TAF2: variants seen among roughly 807,000 people sequenced by gnomAD.
TAF2 encodes the protein TATA-box binding protein associated factor 2.
A neutral mutation model predicts 138.5 loss-of-function variants in TAF2; 61 were observed. That is an observed-to-expected ratio of 0.44 (90% CI 0.36 to 0.54). The LOEUF (loss-of-function observed/expected upper bound fraction) is 0.54. Ranked by LOEUF, TAF2 falls within the 20% of genes least tolerant of loss-of-function variation. The pLI, the probability that TAF2 is intolerant of heterozygous loss-of-function variation, is 0.00. For synonymous variants in TAF2, 475 were observed against 469.9 expected (o/e 1.01, Z -0.14); for missense variants, 1,090 against 1,427.9 (o/e 0.76, Z 3.81).
chr8:119,825,084 G>A (rs1360517632), intron 2 of TAF2, among the ~76,000 whole-genome samples: 1 of 152,236 alleles, frequency 6.6e-6, no homozygotes, highest in East Asian at 1.9e-4. Context: ...GACACTCAAC[G>A]CCATCCAGTC....
intron 19 of TAF2, among the ~76,000 whole-genome samples, chr8:119,761,968 TTA>T (rs1269701772): frequency 6.6e-6 from 1 of 152,146 alleles, no homozygotes; most frequent in African/African-American, 2.4e-5. Context: ...TTAAAATTGT[TTA>T]TGTTTGAATC....
intron 16 of TAF2, 40 bp downstream of exon 16, chr8:119,783,341 T>C: frequency 6.3e-7 from 1 of 1,591,674 alleles, no homozygotes. Flanking sequence ...ACAAAAAATA[T>C]ATACAATAGT....
At chr8:119,759,634 T>C (rs1820926151) in intron 20 of TAF2, among the ~76,000 whole-genome samples, 2 of 152,176 alleles carry the variant, frequency 1.3e-5, no homozygotes, top group African/African-American at 4.8e-5. Context: ...GCTTAAGTAT[T>C]TGACAGGCAT....
intron 23 of TAF2, among the ~76,000 whole-genome samples, chr8:119,745,409 T>A (rs920296304): frequency 1.3e-5 from 2 of 149,470 alleles, no homozygotes; most frequent in African/African-American, 5.1e-5. Context: ...TTTTTTTCTA[T>A]GTAAATGTCT....
At chr8:119,817,112 T>C (rs767845078) in intron 3 of TAF2, among the ~76,000 whole-genome samples, 2 of 152,230 alleles carry the variant, frequency 1.3e-5, no homozygotes, top group Non-Finnish European at 1.5e-5. Flanking sequence ...AACAGAGCTA[T>C]GGTTCTAGTT....
chr8:119,746,954 G>T lies in TAF2; in HGVS notation c.2879-20C>A. On this transcript the variant is annotated intron_variant, in intron 22 of 25. Transcript: ENST00000378164. ...AAGTACCTAAAAAGTAAGTAATAAA[G>T]AAATGAGTCAATATGCACATTGATT... 6.2e-7 allele frequency: 1 copy of T among 1,610,540 alleles called. No individual in the cohort carries two copies. Among genetic ancestry groups the T allele is most frequent in the Non-Finnish European group, 8.5e-7 (1 of 1,177,166 alleles).
rs140216972 is a variant in TAF2 at position 119,756,055 on chromosome 8, G to C, written c.2829C>G (p.Pro943=). The change falls in exon 22 of 26, where the codon CCC becomes CCG. Residue 943 remains proline (P), a synonymous_variant. Transcript: ENST00000378164. The part of the protein sequence containing the change: ...NPPFTKNMES[P]LCNEALVDQL... ...GATCTACCAGGGCTTCATTGCATAA[G>C]GGAGACTCCATGTTCTTAGTAAATG... is the stretch of plus-strand genomic sequence containing the variant. 8 of 1,613,572 alleles carry C rather than the reference G, an allele frequency of 5.0e-6. No individual in the cohort carries two copies. The African/African-American group carries it at 8.0e-5, about 16-fold the overall frequency.
intron 18 of TAF2, among the ~76,000 whole-genome samples, chr8:119,766,832 TCAAAAAAATAA>T (rs1333764372): frequency 1.3e-5 from 2 of 151,836 alleles, no homozygotes; most frequent in East Asian, 3.9e-4. Flanking sequence ...AGACTCTCTC[TCAAAAAAATAA>T]CAAAAAAAAG....
rs1563923389 is a variant in TAF2 at position 119,818,733 on chromosome 8, CACA to C, written c.299+610_299+612del. Reference sequence around the variant, plus strand: ...ACAAAGATGACAAAAAAATGAAGTCCACACACACACACACACACACACACACAC... The same window carrying C: ...ACAAAGATGACAAAAAAATGAAGTCCCACACACACACACACACACACACAC... On this transcript the variant is annotated intron_variant, in intron 3 of 25. Coordinates refer to ENST00000378164, the MANE Select transcript of TAF2 (RefSeq NM_003184.4). Among the ~76,000 whole-genome samples the C allele has an allele frequency of 3.7e-3, 306 of 83,652 alleles. 1 individual carries two copies. The highest frequency in any genetic ancestry group is 9.8e-3 in the Admixed American group (55 of 5,604). 54.9% of individuals were successfully genotyped at this position (83,652 alleles called of 152,430 possible). A position where few individuals can be genotyped will look rare whatever the true frequency, so the allele number is the denominator to read the frequency against.
At position 119,801,897 on chromosome 8, in the gene TAF2, CTCATA is replaced by C; in HGVS notation, c.684_688del (p.Asp228GlufsTer26). On this transcript the variant is annotated frameshift_variant, in exon 6 of 26. Transcript: ENST00000378164. LOFTEE classifies it high-confidence loss of function. Reference sequence around the variant, plus strand: ...AAGCATATAATGGAAAGTTTTCTTCCTCATATCATGAGTATACACTGTCTCCACCA... The same window carrying C: ...AAGCATATAATGGAAAGTTTTCTTCCTCATGAGTATACACTGTCTCCACCA... The C allele has an allele frequency of 6.2e-7, 1 of 1,614,124 alleles. No homozygotes were observed. The highest frequency in any genetic ancestry group is 8.5e-7 in the Non-Finnish European group (1 of 1,180,016).
intron 18 of TAF2, among the ~76,000 whole-genome samples, chr8:119,765,600 A>C (rs1175196267): frequency 6.6e-6 from 1 of 152,216 alleles, no homozygotes; most frequent in Non-Finnish European, 1.5e-5. Flanking sequence ...TTTGAATGCC[A>C]TGCATAAACT....
At chr8:119,813,960 T>A (rs1825273036) in intron 3 of TAF2, among the ~76,000 whole-genome samples, 1 of 151,404 alleles carries the variant, frequency 6.6e-6, no homozygotes, top group African/African-American at 2.4e-5. Context: ...CAGTAAAAAA[T>A]AAAAAATTAA....
At chr8:119,732,333 C>G (rs1355094628) in intron 25 of TAF2, 147 bp from the exon 26 acceptor site, 1 of 737,250 alleles carries the variant, frequency 1.4e-6, no homozygotes, top group Admixed American at 2.3e-5. Flanking sequence ...CTAAATAAGA[C>G]ATGTAATTAG....
intron 10 of TAF2, chr8:119,791,692 T>C (rs555111400): frequency 6.6e-6 from 3 of 455,084 alleles, no homozygotes; most frequent in South Asian, 4.4e-5. Context: ...AGCTCCTAGA[T>C]GGGAAGATAC....
Position 119,742,631 on chromosome 8 carries a change from G to A in TAF2, c.3240C>T (p.Ser1080=). The A allele has an allele frequency of 6.2e-7, 1 of 1,613,886 alleles. No homozygotes were observed. Among genetic ancestry groups the A allele is most frequent in the Non-Finnish European group, 8.5e-7 (1 of 1,179,954 alleles). The change falls in exon 25 of 26, where the codon AGC becomes AGT. Residue 1080 remains serine (S), a synonymous_variant. Transcript: ENST00000378164. The part of the protein sequence containing the change: ...TPGLSKYRPA[S]SRSALIPQHS... ...GCTGGGGTATTAAAGCAGATCGGGAGCTAGCTGGCCGATATTTCGAGAGCC... is the reference window on the plus strand; with the variant it reads ...GCTGGGGTATTAAAGCAGATCGGGAACTAGCTGGCCGATATTTCGAGAGCC...
intron 4 of TAF2, among the ~76,000 whole-genome samples, chr8:119,805,312 G>A (rs1056571941): frequency 2.0e-5 from 3 of 152,152 alleles, no homozygotes; most frequent in Admixed American, 6.5e-5. Context: ...GTAAAAAGAA[G>A]GAATTTAACC....
intron 3 of TAF2, 127 bp from the exon 4 acceptor site, chr8:119,806,528 G>A (rs890955847): frequency 1.4e-6 from 1 of 710,832 alleles, no homozygotes. Context: ...AGAGGTCAGT[G>A]GCACCATCTC....
At chr8:119,734,999 T>C (rs147484980) in intron 25 of TAF2, among the ~76,000 whole-genome samples, 3 of 152,304 alleles carry the variant, frequency 2.0e-5, no homozygotes, top group African/African-American at 7.2e-5. Context: ...AACTGGTTCG[T>C]TCATGTTTCC....
At chr8:119,824,015 T>C (rs1825947379) in intron 2 of TAF2, among the ~76,000 whole-genome samples, 1 of 152,182 alleles carries the variant, frequency 6.6e-6, no homozygotes, top group Admixed American at 6.5e-5. Context: ...GGGTATCTGG[T>C]AGAAGAAATG....
Sources: allele counts gnomAD v4.1 joint callset (sites outside exome capture counted in the v4.1 genomes callset), GRCh38; gene constraint gnomAD v4.1.1; transcripts MANE v1.5; gene names NCBI Gene and HGNC (gene_info 2026-07-23, HGNC 2026-07-21).